PTPRM: variants seen among roughly 807,000 people sequenced by gnomAD.
The protein encoded by PTPRM is protein tyrosine phosphatase receptor type M.
In PTPRM, 47 loss-of-function variants were observed where a neutral mutation model predicts 186.7. The ratio of observed to expected loss-of-function variants is 0.25; its 90% CI spans 0.20 to 0.32. PTPRM has a LOEUF of 0.32. Among genes scored for constraint, PTPRM ranks in the 10% least tolerant of loss-of-function variants. The probability of loss-of-function intolerance (pLI) is 1.00; values close to 1 mark genes in which losing one functional copy is unlikely to be tolerated. For missense variants in PTPRM, 1,494 were observed against 1,865.0 expected, an observed-to-expected ratio of 0.80 and a Z score of 3.66; for synonymous variants, 668 against 674.9, an observed-to-expected ratio of 0.99 and a Z score of 0.16.
At position 7,876,628 on chromosome 18, in the gene PTPRM, C is replaced by A. The variant is rs371444085; in HGVS notation, c.197-11478C>A. The stretch of plus-strand genomic sequence containing the variant: ...GGCTGAATCCTGCTCCACATTGTCT[C>A]CTGTCCTCCAGCAGTCTAGCCTGGA... On this transcript the variant is annotated intron_variant, in intron 2 of 32. Transcript: ENST00000580170. 1.9e-4 allele frequency among the ~76,000 whole-genome samples: 29 copies of A among 152,320 alleles called. 1 individual carries two copies. Among genetic ancestry groups the A allele is most frequent in the East Asian group, 1.5e-3 (8 of 5,180 alleles).
At chr18:8,184,692 A>G (rs969556746) in intron 14 of PTPRM, among the ~76,000 whole-genome samples, 6 of 152,260 alleles carry the variant, frequency 3.9e-5, no homozygotes, top group Non-Finnish European at 8.8e-5. Context: ...TGCTGAACAA[A>G]TATCATTTTT....
intron 1 of PTPRM, among the ~76,000 whole-genome samples, chr18:7,746,368 T>A (rs2040985568): frequency 6.6e-6 from 1 of 152,202 alleles, no homozygotes; most frequent in African/African-American, 2.4e-5. Flanking sequence ...ATTCTGCCAA[T>A]GTAGAATTCT....
At chr18:7,895,840 G>A (rs1310528557) in intron 3 of PTPRM, among the ~76,000 whole-genome samples, 1 of 152,116 alleles carries the variant, frequency 6.6e-6, no homozygotes, top group Non-Finnish European at 1.5e-5. Flanking sequence ...TACTTTCACA[G>A]TTTTTTCCTC....
At chr18:7,768,717 G>C (rs1013931882) in intron 1 of PTPRM, among the ~76,000 whole-genome samples, 1 of 151,056 alleles carries the variant, frequency 6.6e-6, no homozygotes, top group Non-Finnish European at 1.5e-5. Flanking sequence ...CATGATCTTG[G>C]CTCACTGCAA....
At chr18:7,945,814 G>A (rs1210924271) in intron 5 of PTPRM, among the ~76,000 whole-genome samples, 5 of 151,956 alleles carry the variant, frequency 3.3e-5, no homozygotes, top group South Asian at 4.1e-4. Context: ...ACTGAATATT[G>A]GTTGAACGAA....
In PTPRM at chr18:7,985,398, T is replaced by TAG. The variant is rs1436688995; in HGVS notation, c.1132+29985_1132+29986insGA. On this transcript the variant is annotated intron_variant, in intron 7 of 32. Transcript: ENST00000580170. ...GTATATAAATATATACATATACTGG[T>TAG]ATATACGTATATAAATATATACATA... 1.3e-4 allele frequency among the ~76,000 whole-genome samples: 18 copies of TAG among 138,374 alleles called. 4 individuals are homozygous for TAG. The highest frequency in any genetic ancestry group is 2.1e-4 in the Non-Finnish European group (14 of 65,374). 90.8% of individuals were successfully genotyped at this position (138,374 alleles called of 152,430 possible).
intron 7 of PTPRM, among the ~76,000 whole-genome samples, chr18:7,968,410 A>C (rs893117801): frequency 1.4e-5 from 2 of 142,082 alleles, no homozygotes; most frequent in African/African-American, 2.7e-5. Flanking sequence ...AATGAGCAAA[A>C]TCACCAGCTA....
intron 1 of PTPRM, among the ~76,000 whole-genome samples, chr18:7,768,633 GATAT>G (rs1196730216): frequency 2.5e-4 from 36 of 145,516 alleles, no homozygotes; most frequent in African/African-American, 9.4e-4. Context: ...TATCCATAAA[GATAT>G]ATATATATAT....
At chr18:8,070,094 T>G in intron 8 of PTPRM, 100 bp downstream of exon 8, 1 of 1,094,818 alleles carries the variant, frequency 9.1e-7, no homozygotes, top group Non-Finnish European at 1.3e-6. Context: ...AAGAACTACT[T>G]ATTTTGTTGA....
intron 5 of PTPRM, among the ~76,000 whole-genome samples, chr18:7,934,406 A>G (rs1326520256): frequency 6.6e-6 from 1 of 152,220 alleles, no homozygotes; most frequent in Non-Finnish European, 1.5e-5. Flanking sequence ...CCAGTCTAAT[A>G]AATTGCTCAC....
chr18:8,359,131 A>G (rs2095581414), intron 23 of PTPRM, among the ~76,000 whole-genome samples: 1 of 152,230 alleles, frequency 6.6e-6, no homozygotes, highest in African/African-American at 2.4e-5. Flanking sequence ...TTTTCACTCA[A>G]ATATCGATGA....
chr18:8,051,165 A>G (rs770590715), intron 7 of PTPRM, among the ~76,000 whole-genome samples: 5 of 152,128 alleles, frequency 3.3e-5, no homozygotes, highest in Non-Finnish European at 7.4e-5. Context: ...GCTTCCTGTA[A>G]GTTAAGTTTG....
chr18:7,583,446 T>G (rs2036897257), intron 1 of PTPRM, among the ~76,000 whole-genome samples: 1 of 152,218 alleles, frequency 6.6e-6, no homozygotes. Context: ...CAAAGCCTGT[T>G]TTCTTGTCCC....
At chr18:7,840,086 G>GT (rs1425414453) in intron 2 of PTPRM, among the ~76,000 whole-genome samples, 1 of 139,540 alleles carries the variant, frequency 7.2e-6, no homozygotes, top group African/African-American at 2.7e-5. Flanking sequence ...TGGGGTGGAG[G>GT]TGGGGGGGGA....
rs181391920 is a variant in PTPRM, at chr18:8,245,116, C to T, written c.2452+907C>T. On this transcript the variant is annotated intron_variant, in intron 15 of 32. Transcript: ENST00000580170. The stretch of plus-strand genomic sequence containing the variant: ...GTGGGGCGACTGGGAGCAGTTTGGA[C>T]GGTGTGGGCTCATGTCCTAATACCC... 2.0e-4 allele frequency among the ~76,000 whole-genome samples: 31 copies of T among 152,286 alleles called. No individual in the cohort carries two copies. The East Asian group carries it at 5.4e-3, about 27-fold the overall frequency.
intron 3 of PTPRM, among the ~76,000 whole-genome samples, chr18:7,891,382 TCA>T (rs1161005473): frequency 6.6e-6 from 1 of 151,980 alleles, no homozygotes; most frequent in Non-Finnish European, 1.5e-5. Flanking sequence ...TGTTATATTC[TCA>T]GTTTTCCCCA....
chr18:8,185,835 CAAAAT>C (rs2093634657), intron 14 of PTPRM, among the ~76,000 whole-genome samples: 1 of 152,136 alleles, frequency 6.6e-6, no homozygotes, highest in African/African-American at 2.4e-5. Flanking sequence ...AGAGGAAAAA[CAAAAT>C]AAAATACATA....
At chr18:7,578,939 G>A (rs1340200478) in intron 1 of PTPRM, among the ~76,000 whole-genome samples, 7 of 152,120 alleles carry the variant, frequency 4.6e-5, no homozygotes, top group Admixed American at 4.6e-4. Flanking sequence ...TAGGAACCCT[G>A]TGCTTTCATA....
intron 14 of PTPRM, among the ~76,000 whole-genome samples, chr18:8,186,875 G>A (rs2093649082): frequency 1.3e-5 from 2 of 152,002 alleles, no homozygotes; most frequent in East Asian, 1.9e-4. Context: ...GACGTGCATG[G>A]TTCTGTCTGC....
Sources: allele counts gnomAD v4.1 joint callset (sites outside exome capture counted in the v4.1 genomes callset), GRCh38; gene constraint gnomAD v4.1.1; transcripts MANE v1.5; gene names NCBI Gene and HGNC (gene_info 2026-07-23, HGNC 2026-07-21).